Variants in FCHSD2 observed in about 807,000 individuals in gnomAD.
FCHSD2 encodes the protein F-BAR and double SH3 domains protein 2.
A neutral mutation model predicts 108.1 loss-of-function variants in FCHSD2; 38 were observed. The ratio of observed to expected loss-of-function variants is 0.35; its 90% CI spans 0.27 to 0.46. The LOEUF is 0.46. Among genes scored for constraint, FCHSD2 ranks in the 20% least tolerant of loss-of-function variants. The pLI, the probability that FCHSD2 is intolerant of heterozygous loss-of-function variation, is 1.00. For missense variants in FCHSD2, 751 were observed against 897.8 expected, an observed-to-expected ratio of 0.84 and a Z score of 2.09; for synonymous variants, 279 against 314.7, an observed-to-expected ratio of 0.89 and a Z score of 1.20.
intron 3 of FCHSD2, among the ~76,000 whole-genome samples, chr11:73,029,011 C>A (rs908658332): frequency 1.3e-5 from 2 of 151,894 alleles, no homozygotes; most frequent in African/African-American, 4.8e-5. Context: ...TGAAAACGGA[C>A]TAACACAGGA....
chr11:72,890,002 CTGCTTTGTAGATG>C (rs1310341703), intron 10 of FCHSD2, 57 bp from the exon 11 acceptor site: 28 of 1,080,930 alleles, frequency 2.6e-5, no homozygotes, highest in Non-Finnish European at 3.4e-5. Context: ...GTAACCACTA[CTGCTTTGTAGATG>C]GATCAGAAGG....
chr11:72,853,496 C>T (rs1377675208), intron 13 of FCHSD2, among the ~76,000 whole-genome samples: 2 of 152,014 alleles, frequency 1.3e-5, no homozygotes, highest in Admixed American at 6.6e-5. Flanking sequence ...CTCACTGCAA[C>T]CTCCGCCTGC....
chr11:72,930,852 A>G (rs1410722096), intron 8 of FCHSD2, among the ~76,000 whole-genome samples: 1 of 152,198 alleles, frequency 6.6e-6, no homozygotes, highest in Admixed American at 6.5e-5. Flanking sequence ...GTACAAAAAA[A>G]TAGAATAAGA....
intron 14 of FCHSD2, among the ~76,000 whole-genome samples, chr11:72,844,064 A>C (rs1437362702): frequency 2.6e-5 from 4 of 152,024 alleles, no homozygotes; most frequent in Non-Finnish European, 5.9e-5. Context: ...CTGGGTTCCA[A>C]CTCCAGCTTC....
chr11:72,922,203 T>C (rs1296687205), intron 8 of FCHSD2, among the ~76,000 whole-genome samples: 3 of 152,156 alleles, frequency 2.0e-5, no homozygotes, highest in African/African-American at 7.2e-5. Flanking sequence ...AGGACACAAC[T>C]TAGAGACAAA....
chr11:72,964,881 C>A (rs1159258352), intron 8 of FCHSD2, among the ~76,000 whole-genome samples: 2 of 151,634 alleles, frequency 1.3e-5, no homozygotes, highest in Admixed American at 6.6e-5. Context: ...GTTCTGCCTC[C>A]CGGGTTCACG....
At chr11:73,043,891 G>A (rs966161599) in intron 3 of FCHSD2, among the ~76,000 whole-genome samples, 1 of 152,122 alleles carries the variant, frequency 6.6e-6, no homozygotes, top group Non-Finnish European at 1.5e-5. Flanking sequence ...CTGGACTAAA[G>A]GATCTAGGAA....
chr11:73,031,011 A>G (rs1339807411), intron 3 of FCHSD2, among the ~76,000 whole-genome samples: 1 of 152,130 alleles, frequency 6.6e-6, no homozygotes, highest in African/African-American at 2.4e-5. Flanking sequence ...GCACACCTCC[A>G]GAAATACTAT....
intron 2 of FCHSD2, among the ~76,000 whole-genome samples, chr11:73,118,366 C>T (rs1860653431): frequency 6.6e-6 from 1 of 152,064 alleles, no homozygotes. Flanking sequence ...ACTATCATCC[C>T]AAAAAGTTTC....
intron 3 of FCHSD2, among the ~76,000 whole-genome samples, 190 bp from the exon 4 acceptor site, chr11:73,016,075 G>C (rs565383827): frequency 1.3e-5 from 2 of 152,162 alleles, no homozygotes; most frequent in Admixed American, 6.5e-5. Flanking sequence ...GGCCAAGGTA[G>C]ACAGATCACT....
intron 3 of FCHSD2, among the ~76,000 whole-genome samples, chr11:73,045,687 A>G (rs1203915736): frequency 6.6e-6 from 1 of 151,214 alleles, no homozygotes; most frequent in Non-Finnish European, 1.5e-5. Context: ...CAAACACCGC[A>G]TATTCTCACT....
chr11:72,940,057 A>AGC (rs761828127), intron 8 of FCHSD2, among the ~76,000 whole-genome samples: 6 of 152,344 alleles, frequency 3.9e-5, no homozygotes, highest in Admixed American at 1.3e-4. Flanking sequence ...AGAAAATGCA[A>AGC]GCAAATCAAA....
At chr11:72,998,604 G>A (rs1248268165) in intron 5 of FCHSD2, among the ~76,000 whole-genome samples, 1 of 152,194 alleles carries the variant, frequency 6.6e-6, no homozygotes. Flanking sequence ...TCAAGGTAAT[G>A]TAATAAGTTA....
At chr11:72,971,435 A>T (rs886789026) in intron 8 of FCHSD2, among the ~76,000 whole-genome samples, 1 of 152,152 alleles carries the variant, frequency 6.6e-6, no homozygotes, top group Non-Finnish European at 1.5e-5. Context: ...CAAAAGGGAG[A>T]TTATCTGCGA....
At chr11:73,087,556 T>C (rs915137621) in intron 2 of FCHSD2, among the ~76,000 whole-genome samples, 1 of 151,792 alleles carries the variant, frequency 6.6e-6, no homozygotes, top group African/African-American at 2.4e-5. Flanking sequence ...CATACAAAAA[T>C]TAGCCAGGCA....
chr11:72,860,737 T>A (rs1343588831), intron 13 of FCHSD2, among the ~76,000 whole-genome samples: 1 of 151,220 alleles, frequency 6.6e-6, no homozygotes, highest in Non-Finnish European at 1.5e-5. Flanking sequence ...GGCATAAGAA[T>A]CACCTGGGAG....
chr11:72,932,962 G>A (rs1191288674), intron 8 of FCHSD2, among the ~76,000 whole-genome samples: 3 of 152,120 alleles, frequency 2.0e-5, no homozygotes, highest in East Asian at 1.9e-4. Context: ...TTATAAAATC[G>A]TATACAAGTT....
chr11:73,131,455 G>A (rs1860999792), intron 2 of FCHSD2, among the ~76,000 whole-genome samples: 1 of 151,974 alleles, frequency 6.6e-6, no homozygotes, highest in South Asian at 2.1e-4. Context: ...CGTGAAACCA[G>A]AAGGCGGACC....
chr11:73,129,300 C>T (rs1031480187), intron 2 of FCHSD2, among the ~76,000 whole-genome samples: 9 of 152,190 alleles, frequency 5.9e-5, no homozygotes, highest in Admixed American at 1.3e-4. Flanking sequence ...CCCCAGGCCA[C>T]GGACCACTAA....
Sources: allele counts gnomAD v4.1 joint callset (sites outside exome capture counted in the v4.1 genomes callset), GRCh38; gene constraint gnomAD v4.1.1; transcripts MANE v1.5; gene names NCBI Gene and HGNC (gene_info 2026-07-23, HGNC 2026-07-21).